VSIG4: variants seen among roughly 807,000 people sequenced by gnomAD.
The protein encoded by VSIG4 is V-set and immunoglobulin domain-containing protein 4.
A neutral mutation model predicts 23.4 loss-of-function variants in VSIG4; 34 were observed. The ratio of observed to expected loss-of-function variants is 1.45; its 90% CI spans 1.10 to 1.93. VSIG4 has a LOEUF of 1.93. VSIG4 is among the 30% of genes most tolerant of loss of function. The pLI, the probability that VSIG4 is intolerant of heterozygous loss-of-function variation, is 0.00. For synonymous variants in VSIG4, 169 were observed against 120.3 expected, an observed-to-expected ratio of 1.41 and a Z score of -2.65; for missense variants, 433 against 310.8, an observed-to-expected ratio of 1.39 and a Z score of -2.96.
At chrX:66,038,166 A>G (rs2085640895) in intron 1 of VSIG4, among the ~76,000 whole-genome samples, 1 of 111,710 alleles carries the variant, frequency 9.0e-6, no homozygotes, top group Non-Finnish European at 1.9e-5. Flanking sequence ...ATCTTGACAT[A>G]TCTCTTAGCC....
In VSIG4 at chrX:66,022,711, T is replaced by G. The variant is rs896823156; in HGVS notation, c.962+130A>C. 3.4e-6 allele frequency: 4 copies of G among 1,166,631 alleles called. No individual in the cohort carries two copies. In the African/African-American group the frequency reaches 7.1e-5, roughly 21 times the overall value. ...GCCTGAGAGAGGGAAGGCAGCTATG[T>G]CCTGACCCTGAAGGCCTCCGGCCTT... On this transcript the variant is annotated intron_variant, in intron 7 of 7. Coordinates refer to ENST00000374737, the MANE Select transcript of VSIG4 (RefSeq NM_007268.3).
chrX:66,023,728 G>C (rs991147164), intron 6 of VSIG4, among the ~76,000 whole-genome samples: 4 of 112,178 alleles, frequency 3.6e-5, no homozygotes, highest in Admixed American at 1.9e-4. Context: ...GGAATTTTTG[G>C]AAATGAGACT....
At chrX:66,027,944 C>T (rs1237393700) in intron 4 of VSIG4, 106 bp downstream of exon 4, 3 of 732,486 alleles carry the variant, frequency 4.1e-6, no homozygotes, top group South Asian at 2.2e-5. Context: ...CTCTGAGGAA[C>T]CAAGTGACTG....
At chrX:66,037,364 AATAAT>A (rs2085612382) in intron 1 of VSIG4, among the ~76,000 whole-genome samples, 1 of 32,189 alleles carries the variant, frequency 3.1e-5, no homozygotes, top group African/African-American at 2.3e-4. Context: ...TATATTATAT[AATAAT>A]ATAATATAAT....
At chrX:66,024,638 G>T (rs1333261276) in intron 6 of VSIG4, among the ~76,000 whole-genome samples, 1 of 111,717 alleles carries the variant, frequency 9.0e-6, no homozygotes, top group African/African-American at 3.3e-5. Context: ...AGCATTAATT[G>T]TCTTCTCTAG....
At position 66,037,354 on chromosome X, in the gene VSIG4, TA is replaced by T. The variant is rs1273248173; in HGVS notation, c.55+2589del. Among the ~76,000 whole-genome samples, 118 of 32,938 alleles carry T rather than the reference TA, an allele frequency of 3.6e-3. 2 individuals are homozygous for T. The highest frequency in any genetic ancestry group is 2.6e-3 in the Non-Finnish European group (62 of 23,503). 28.6% of individuals were successfully genotyped at this position (32,938 alleles called of 115,157 possible). A position where few individuals can be genotyped will look rare whatever the true frequency, so the allele number is the denominator to read the frequency against. On this transcript the variant is annotated intron_variant, in intron 1 of 7. Transcript: ENST00000374737. ...TAATAATATAATATAATATATAATA[TA>T]TATTATATAATAATATAATATAATA...
At position 66,033,679 on chromosome X, in the gene VSIG4, T is replaced by A. The variant is rs771119341; in HGVS notation, c.207A>T (p.Leu69=). ...QRGSDPVTIF[L]RDSSGDHIQQ... is the part of the protein sequence containing the mutation. ...GGATATGGTCTCCAGAAGAGTCACG[T>A]AGAAAGATGGTGACAGGGTCTGAGC... The change falls in exon 2 of 8, where the codon CTA becomes CTT. Residue 69 remains leucine, a synonymous_variant. Coordinates refer to ENST00000374737, the MANE Select transcript of VSIG4 (RefSeq NM_007268.3). 5.0e-6 allele frequency: 6 copies of A among 1,209,248 alleles called. No homozygotes were observed. Among genetic ancestry groups the A allele is most frequent in the Non-Finnish European group, 6.7e-6 (6 of 895,058 alleles).
At chrX:66,022,763 T>A in intron 7 of VSIG4, 78 bp downstream of exon 7, 1 of 1,208,029 alleles carries the variant, frequency 8.3e-7, no homozygotes, top group Non-Finnish European at 1.1e-6. Flanking sequence ...CACACCCCCC[T>A]TCCTCCACAT....
chrX:66,036,726 A>C (rs1320760880), intron 1 of VSIG4, among the ~76,000 whole-genome samples: 1 of 51,943 alleles, frequency 1.9e-5, no homozygotes, highest in Non-Finnish European at 3.1e-5. Flanking sequence ...TATATATATT[A>C]TATAATTATA....
In VSIG4 at chrX:66,033,740, T is replaced by A. The variant is rs1489810239; in HGVS notation, c.146A>T (p.Tyr49Phe). 6 of 1,209,504 alleles carry A rather than the reference T, an allele frequency of 5.0e-6. No homozygotes were observed. The change falls in exon 2 of 8, where the codon TAC (tyrosine) becomes TTC (phenylalanine). Residue 49 changes from tyrosine to phenylalanine, a missense_variant. Coordinates refer to ENST00000374737, the MANE Select transcript of VSIG4 (RefSeq NM_007268.3). ...CAGCCACTTCACCAAGACTTGGGTG[T>A]AGCCTTGCAGGGGGTCATAGGTGCA... ...LPCTYDPLQG[Y>F]TQVLVKWLVQ...
chrX:66,023,852 GT>G (rs1257689013), intron 6 of VSIG4, among the ~76,000 whole-genome samples: 5 of 112,164 alleles, frequency 4.5e-5, no homozygotes, highest in Non-Finnish European at 9.4e-5. Context: ...GCCATGGAAG[GT>G]TTTTGAGAGA....
chrX:66,033,530 G>A lies in VSIG4; in HGVS notation c.356C>T (p.Thr119Ile), dbSNP rs761330018. 4.1e-6 allele frequency: 5 copies of A among 1,209,591 alleles called. No individual in the cohort carries two copies. Among genetic ancestry groups the A allele is most frequent in the Non-Finnish European group, 5.6e-6 (5 of 895,059 alleles). The change falls in exon 2 of 8, where the codon ACT becomes ATT. Residue 119 changes from threonine (T) to isoleucine (I), a missense_variant. Physicochemically the swap from Thr to Ile is moderately conservative, Grantham distance 89. Coordinates refer to ENST00000374737, the MANE Select transcript of VSIG4 (RefSeq NM_007268.3). Reference sequence around the variant, plus strand: ...TCTCACGACTTGGTTGCCATCAGGAGTCTGCCAGGTGACTTCACACGTGTA... The same window carrying A: ...TCTCACGACTTGGTTGCCATCAGGAATCTGCCAGGTGACTTCACACGTGTA... Reference protein sequence around the residue: ...SHYTCEVTWQTPDGNQVVRDK... With the variant: ...SHYTCEVTWQIPDGNQVVRDK...
At chrX:66,035,690 T>G (rs1261891015) in intron 1 of VSIG4, among the ~76,000 whole-genome samples, 1 of 112,049 alleles carries the variant, frequency 8.9e-6, no homozygotes, top group Admixed American at 9.5e-5. Context: ...TTTGGCCACA[T>G]GCAAGCACAA....
At chrX:66,029,165 G>C (rs2085434933) in intron 3 of VSIG4, among the ~76,000 whole-genome samples, 1 of 111,593 alleles carries the variant, frequency 9.0e-6, no homozygotes, top group African/African-American at 3.3e-5. Flanking sequence ...TAGTAGATAA[G>C]TCTGGATAGG....
intron 6 of VSIG4, among the ~76,000 whole-genome samples, chrX:66,023,314 A>G (rs1274937846): frequency 9.0e-6 from 1 of 111,219 alleles, no homozygotes; most frequent in Non-Finnish European, 1.9e-5. Flanking sequence ...CACCCCCACT[A>G]TATACCCAGG....
At chrX:66,035,768 T>C (rs2085530605) in intron 1 of VSIG4, among the ~76,000 whole-genome samples, 1 of 112,466 alleles carries the variant, frequency 8.9e-6, no homozygotes, top group South Asian at 3.6e-4. Flanking sequence ...TTCCCATTAA[T>C]CTTCCTCTGG....
At chrX:66,023,562 C>A (rs1449673167) in intron 6 of VSIG4, among the ~76,000 whole-genome samples, 5 of 112,787 alleles carry the variant, frequency 4.4e-5, no homozygotes, top group African/African-American at 1.6e-4. Flanking sequence ...ATTTCTGTGT[C>A]TTACTCGCCC....
At chrX:66,034,080 G>T (rs761168363) in intron 1 of VSIG4, among the ~76,000 whole-genome samples, 10 of 111,632 alleles carry the variant, frequency 9.0e-5, no homozygotes, top group Non-Finnish European at 1.7e-4. Flanking sequence ...TTACTGTCTT[G>T]CTATGAAGGT....
intron 3 of VSIG4, 45 bp downstream of exon 3, chrX:66,032,423 C>T (rs754561311): frequency 1.7e-6 from 2 of 1,175,261 alleles, no homozygotes; most frequent in African/African-American, 1.8e-5. Context: ...ATCTTTGTTT[C>T]AAGCTTGTGT....
Sources: allele counts gnomAD v4.1 joint callset (sites outside exome capture counted in the v4.1 genomes callset), GRCh38; gene constraint gnomAD v4.1.1; transcripts MANE v1.5; gene names NCBI Gene and HGNC (gene_info 2026-07-23, HGNC 2026-07-21).